The following TIGAR variants were observed in gnomAD, a reference collection of about 807,000 sequenced individuals.
The protein encoded by TIGAR is TP53 induced glycolysis regulatory phosphatase, also known as fructose-2,6-bisphosphatase TIGAR.
Under a neutral mutation model 17.9 loss-of-function variants are expected in TIGAR, and 7 were observed. The observed-to-expected ratio is 0.39, with a 90% CI of 0.22 to 0.73. The LOEUF is 0.73. Ranked by LOEUF, TIGAR falls within the 30% of genes least tolerant of loss-of-function variation. TIGAR has a pLI of 0.42. For missense variants in TIGAR, 258 were observed against 327.4 expected, an observed-to-expected ratio of 0.79 and a Z score of 1.64; for synonymous variants, 94 against 108.6, an observed-to-expected ratio of 0.87 and a Z score of 0.84.
chr12:4,321,558 G>A lies in TIGAR; in HGVS notation c.32+255G>A, dbSNP rs1591657288. Among the ~76,000 whole-genome samples the A allele has an allele frequency of 6.6e-6, 1 of 152,182 alleles. No individual in the cohort carries two copies. The highest frequency in any genetic ancestry group is 1.5e-5 in the Non-Finnish European group (1 of 68,028). On this transcript the variant is annotated intron_variant, in intron 1 of 5. Coordinates refer to ENST00000179259, the MANE Select transcript of TIGAR (RefSeq NM_020375.3). The surrounding 1 kb of genome is among the most constrained non-coding windows in gnomAD (Gnocchi z 5.2). ...CCGTGTTTCAGATAAAGTGAGGCCC[G>A]GAGGAGCAAGGGATCGGGGTTCGTA...
intron 3 of TIGAR, among the ~76,000 whole-genome samples, chr12:4,341,116 G>T (rs1043203266): frequency 4.6e-5 from 7 of 152,160 alleles, no homozygotes; most frequent in Admixed American, 6.5e-5. Context: ...CACAGAATGG[G>T]AGAAAATATT....
At chr12:4,341,190 T>A (rs1251083033) in intron 3 of TIGAR, among the ~76,000 whole-genome samples, 1 of 152,028 alleles carries the variant, frequency 6.6e-6, no homozygotes. Context: ...AACAACTTTA[T>A]AGGAAAAAAT....
rs764250823 is a variant in TIGAR at position 4,352,374 on chromosome 12, T to C, written c.496T>C (p.Leu166=). The C allele has an allele frequency of 2.5e-6, 4 of 1,614,078 alleles. No individual in the cohort carries two copies. Among genetic ancestry groups the C allele is most frequent in the African/African-American group, 1.3e-5 (1 of 74,946 alleles). Residue 166 remains leucine, a synonymous_variant, in exon 6 of 6, where the codon TTG becomes CTG. Transcript: ENST00000179259. ...GSPSNCLETS[L]AEIFPLGKNH... Reference sequence around the variant, plus strand: ...TCCAAGCAACTGTCTGGAAACTTCTTTGGCAGAGATATTTCCTTTAGGAAA... The same window carrying C: ...TCCAAGCAACTGTCTGGAAACTTCTCTGGCAGAGATATTTCCTTTAGGAAA...
chr12:4,321,413 C>CCG lies in TIGAR; in HGVS notation c.32+111_32+112dup. 3 of 1,502,458 alleles carry CCG rather than the reference C, an allele frequency of 2.0e-6. No individual in the cohort carries two copies. The Admixed American group carries it at 5.4e-5, about 27-fold the overall frequency. 93.1% of individuals were successfully genotyped at this position (1,502,458 alleles called of 1,614,324 possible). On this transcript the variant is annotated intron_variant, in intron 1 of 5. Transcript: ENST00000179259. This position sits in a 1 kb window ranked among gnomAD's most constrained non-coding sequence, Gnocchi z 5.2. Reference sequence around the variant, plus strand: ...CTCTCCCCTCCCTGCTCGCTCCAGCCCGGGAGGGCTGGCTTGGAAGCGCTT... The same window carrying CCG: ...CTCTCCCCTCCCTGCTCGCTCCAGCCCGCGGGAGGGCTGGCTTGGAAGCGCTT...
At chr12:4,345,360 G>T (rs367553684) in intron 3 of TIGAR, among the ~76,000 whole-genome samples, 1 of 152,020 alleles carries the variant, frequency 6.6e-6, no homozygotes, top group Admixed American at 6.6e-5. Flanking sequence ...TTCAAACTAT[G>T]CTACAAGGCT....
intron 2 of TIGAR, among the ~76,000 whole-genome samples, chr12:4,336,388 G>A (rs138604482): frequency 2.0e-5 from 3 of 151,232 alleles, no homozygotes; most frequent in Non-Finnish European, 2.9e-5. Flanking sequence ...AGGGCTTTGG[G>A]GTTGCTTTAC....
At chr12:4,349,104 G>A (rs1272195756) in intron 3 of TIGAR, among the ~76,000 whole-genome samples, 1 of 151,958 alleles carries the variant, frequency 6.6e-6, no homozygotes, top group Non-Finnish European at 1.5e-5. Flanking sequence ...TTAGAATGGG[G>A]ATTAGTAAAC....
Position 4,355,149 on chromosome 12 carries a change from A to G in TIGAR, c.*2458A>G, listed in dbSNP as rs145012797. Reference sequence around the variant, plus strand: ...AGACTTCTCTACCATGAGGTCATACAGTAATGTCTTCTTACAGTTTTTGAG... The same window carrying G: ...AGACTTCTCTACCATGAGGTCATACGGTAATGTCTTCTTACAGTTTTTGAG... On this transcript the variant is annotated 3_prime_UTR_variant, in exon 6 of 6. Transcript: ENST00000179259. Among the ~76,000 whole-genome samples, 10 of 152,306 alleles carry G rather than the reference A, an allele frequency of 6.6e-5. No homozygotes were observed. Among genetic ancestry groups the G allele is most frequent in the Non-Finnish European group, 1.2e-4 (8 of 68,028 alleles).
intron 1 of TIGAR, among the ~76,000 whole-genome samples, chr12:4,328,788 G>A (rs1183248394): frequency 1.3e-5 from 2 of 151,372 alleles, no homozygotes; most frequent in African/African-American, 4.9e-5. Flanking sequence ...TGTTGGCCAG[G>A]CTGGTCCCGA....
intron 2 of TIGAR, among the ~76,000 whole-genome samples, chr12:4,336,485 CACACACACACTCACACACAT>C (rs376740651): frequency 6.6e-6 from 1 of 151,452 alleles, no homozygotes; most frequent in Non-Finnish European, 1.5e-5. Flanking sequence ...CACACACACA[CACACACACACTCACACACAT>C]ACACCATTTA....
intron 3 of TIGAR, among the ~76,000 whole-genome samples, chr12:4,342,136 GTGAT>G (rs1468672304): frequency 6.6e-6 from 1 of 152,224 alleles, no homozygotes; most frequent in African/African-American, 2.4e-5. Flanking sequence ...AAGGGTATCA[GTGAT>G]TGAAGATCAA....
intron 3 of TIGAR, among the ~76,000 whole-genome samples, chr12:4,345,789 C>T (rs1486294987): frequency 2.0e-5 from 3 of 152,196 alleles, no homozygotes; most frequent in Non-Finnish European, 4.4e-5. Context: ...AGCTTCTGCA[C>T]AGCAAAAGAA....
rs1238675754 is a variant in TIGAR at position 4,337,068 on chromosome 12, A to G, written c.100A>G (p.Thr34Ala). The G allele has an allele frequency of 6.2e-7, 1 of 1,612,868 alleles. No homozygotes were observed. The highest frequency in any genetic ancestry group is 8.5e-7 in the Non-Finnish European group (1 of 1,178,912). ...GQGVDEPLSETGFKQAAAAGI... is the reference protein window; with the variant it reads ...GQGVDEPLSEAGFKQAAAAGI... ...AGGAGTAGATGAACCTCTTTCAGAA[A>G]CTGGATTTAAACAAGCAGCAGCTGC... is the stretch of plus-strand genomic sequence containing the variant. The change falls in exon 3 of 6, where the codon ACT (threonine) becomes GCT (alanine). Residue 34 changes from threonine to alanine, a missense_variant. Thr to Ala is a moderately conservative substitution (Grantham distance 58). Transcript: ENST00000179259.
intron 1 of TIGAR, among the ~76,000 whole-genome samples, chr12:4,323,158 A>AG (rs11375922): frequency 0.34 from 50,933 of 150,904 alleles, 8,717 homozygotes; most frequent in Middle Eastern, 0.5. Context: ...CCTAGCTAAT[A>AG]GGGAGGCTGA....
intron 2 of TIGAR, among the ~76,000 whole-genome samples, chr12:4,332,642 C>T (rs914118022): frequency 1.3e-5 from 2 of 152,200 alleles, no homozygotes; most frequent in African/African-American, 4.8e-5. Flanking sequence ...ATTTTCAATT[C>T]CCATTGAGTG....
chr12:4,328,428 G>A (rs1413621776), intron 1 of TIGAR, among the ~76,000 whole-genome samples: 3 of 151,114 alleles, frequency 2.0e-5, no homozygotes, highest in Admixed American at 6.6e-5. Context: ...CTGACCTCAG[G>A]TGATCTGCCC....
At chr12:4,336,494 A>ACACACACACACT (rs1491391982) in intron 2 of TIGAR, among the ~76,000 whole-genome samples, 2 of 137,626 alleles carry the variant, frequency 1.5e-5, no homozygotes, top group Non-Finnish European at 3.3e-5. Context: ...ACACACACAC[A>ACACACACACACT]CTCACACACA....
chr12:4,331,916 TA>T (rs1024974967), intron 2 of TIGAR, among the ~76,000 whole-genome samples: 24 of 152,346 alleles, frequency 1.6e-4, no homozygotes, highest in African/African-American at 5.3e-4. Flanking sequence ...CATTTAGTTT[TA>T]TTTTTTTGGT....
In TIGAR at chr12:4,352,465, T is replaced by C. The variant is rs1384368688; in HGVS notation, c.587T>C (p.Val196Ala). Residue 196 changes from valine to alanine, a missense_variant, in exon 6 of 6, where the codon GTG becomes GCG. Coordinates refer to ENST00000179259, the MANE Select transcript of TIGAR (RefSeq NM_020375.3). ...GGATTAGCAGCCAGTGTCTTAGTTGTGAGTCACGGTGCTTACATGAGAAGT... is the reference window on the plus strand; with the variant it reads ...GGATTAGCAGCCAGTGTCTTAGTTGCGAGTCACGGTGCTTACATGAGAAGT... The part of the protein sequence containing the change: ...IPGLAASVLV[V>A]SHGAYMRSLF... 6.2e-7 allele frequency: 1 copy of C among 1,614,076 alleles called. No individual in the cohort carries two copies. The highest frequency in any genetic ancestry group is 8.5e-7 in the Non-Finnish European group (1 of 1,180,028).
Sources: gnomAD v4.1 joint callset for allele counts (sites outside exome capture counted in the v4.1 genomes callset) on GRCh38, gnomAD v4.1.1 for gene constraint, Gnocchi (gnomAD v3.1) non-coding constraint, MANE v1.5 for transcripts, NCBI Gene and HGNC (gene_info 2026-07-23, HGNC 2026-07-21) for gene names.